ADAMTS17: variants seen among roughly 807,000 people sequenced by gnomAD.
The protein encoded by ADAMTS17 is ADAM metallopeptidase with thrombospondin type 1 motif 17.
ADAMTS17 carries 113 observed loss-of-function variants against 141.5 expected under a neutral mutation model. The observed-to-expected ratio is 0.80, with a 90% CI of 0.69 to 0.93. ADAMTS17 has a LOEUF of 0.93. ADAMTS17 is among the 40% of genes least tolerant of loss of function. The pLI is 0.00. For missense variants in ADAMTS17, 1,659 were observed against 1,517.9 expected (o/e 1.09, Z -1.54); for synonymous variants, 768 against 630.6 (o/e 1.22, Z -3.27).
chr15:100,303,877 C>T (rs1241936212), intron 3 of ADAMTS17, among the ~76,000 whole-genome samples: 1 of 152,118 alleles, frequency 6.6e-6, no homozygotes, highest in Non-Finnish European at 1.5e-5. Context: ...TGCATGCCGC[C>T]ACGCCCGGCT....
At chr15:100,097,127 T>A in intron 14 of ADAMTS17, among the ~76,000 whole-genome samples, 1 of 152,222 alleles carries the variant, frequency 6.6e-6, no homozygotes. Flanking sequence ...AAGCACAGCC[T>A]GTTTTCTAAA....
intron 3 of ADAMTS17, among the ~76,000 whole-genome samples, chr15:100,289,011 A>G (rs897473163): frequency 6.6e-6 from 1 of 152,152 alleles, no homozygotes; most frequent in Non-Finnish European, 1.5e-5. Context: ...TCACAGCTGA[A>G]CTGAATAAAA....
chr15:100,235,990 T>A (rs2042641312), intron 7 of ADAMTS17, among the ~76,000 whole-genome samples: 2 of 152,134 alleles, frequency 1.3e-5, no homozygotes, highest in Non-Finnish European at 2.9e-5. Context: ...ATGGAAAATC[T>A]GATGAGGTGG....
chr15:100,231,202 G>A (rs933735613), intron 7 of ADAMTS17, among the ~76,000 whole-genome samples: 5 of 152,160 alleles, frequency 3.3e-5, no homozygotes, highest in East Asian at 1.9e-4. Flanking sequence ...TATGGCCTAC[G>A]TTGCTTCAAA....
At chr15:100,136,085 G>A (rs1020325404) in intron 10 of ADAMTS17, among the ~76,000 whole-genome samples, 7 of 152,096 alleles carry the variant, frequency 4.6e-5, no homozygotes, top group South Asian at 2.1e-4. Context: ...AGTATATAAC[G>A]CAAAAAATGT....
chr15:99,998,670 A>G (rs2141351518), intron 18 of ADAMTS17, among the ~76,000 whole-genome samples: 1 of 152,286 alleles, frequency 6.6e-6, no homozygotes, highest in South Asian at 2.1e-4. Flanking sequence ...CCGATGCATT[A>G]GGCATCTCTG....
rs992056571 is a variant in ADAMTS17, at chr15:100,184,746, C to G, written c.1181+14572G>C. 4.6e-5 allele frequency among the ~76,000 whole-genome samples: 7 copies of G among 152,178 alleles called. No individual in the cohort carries two copies. In the East Asian group the frequency reaches 1.4e-3, roughly 29 times the overall value. ...TGGTCTGTCACCACCTTCCCTCCGT[C>G]CATCATGCTGCTGTGGCCATCACCA... On this transcript the variant is annotated intron_variant, in intron 8 of 21. Coordinates refer to ENST00000268070, the MANE Select transcript of ADAMTS17 (RefSeq NM_139057.4).
intron 20 of ADAMTS17, among the ~76,000 whole-genome samples, chr15:99,981,544 T>C (rs113521651): frequency 7.2e-5 from 11 of 152,232 alleles, no homozygotes; most frequent in Non-Finnish European, 1.2e-4. Flanking sequence ...TTGGGGTGTT[T>C]GCTTAACTGC....
rs990559207 is a variant in ADAMTS17, at chr15:100,054,035, C to G, written c.2157G>C (p.Lys719Asn). ...ARGTALKDSG[K>N]GSINSDWKIE... The stretch of plus-strand genomic sequence containing the variant: ...TCTTCCAGTCACTGTTGATGGACCC[C>G]TTACCCGAGTCTTTGAGAGCTAGAA... The change falls in exon 16 of 22, where the codon AAG becomes AAC. Residue 719 changes from lysine to asparagine, a missense_variant. By Grantham distance (94) the Lys-to-Asn change is moderately conservative (BLOSUM62 0). Transcript: ENST00000268070. 3 of 1,614,190 alleles carry G rather than the reference C, an allele frequency of 1.9e-6. No individual in the cohort carries two copies. The highest frequency in any genetic ancestry group is 3.3e-4 in the Middle Eastern group (2 of 6,060).
chr15:100,301,152 T>C (rs920210128), intron 3 of ADAMTS17, among the ~76,000 whole-genome samples: 4 of 152,214 alleles, frequency 2.6e-5, no homozygotes, highest in African/African-American at 9.6e-5. Context: ...TTAAGTTGTG[T>C]TTAATGCTTA....
At chr15:100,283,902 T>C (rs2044364507) in intron 3 of ADAMTS17, among the ~76,000 whole-genome samples, 1 of 152,152 alleles carries the variant, frequency 6.6e-6, no homozygotes, top group Admixed American at 6.5e-5. Context: ...GGTCAGGAGT[T>C]TGAGACCACC....
chr15:100,264,364 T>C lies in ADAMTS17; in HGVS notation c.790-1929A>G, dbSNP rs11852843. Among the ~76,000 whole-genome samples the C allele has an allele frequency of 9.4e-3, 1,426 of 152,318 alleles. 10 individuals are homozygous for C. The highest frequency in any genetic ancestry group is 0.015 in the Non-Finnish European group (1,038 of 68,030). On this transcript the variant is annotated intron_variant, in intron 4 of 21. Coordinates refer to ENST00000268070, the MANE Select transcript of ADAMTS17 (RefSeq NM_139057.4). Reference sequence around the variant, plus strand: ...TTCAGCATCAGAATTGGATCTAAACTGGTAAATTTCAGTTCAAAACATGAA... The same window carrying C: ...TTCAGCATCAGAATTGGATCTAAACCGGTAAATTTCAGTTCAAAACATGAA...
At chr15:99,994,897 C>G (rs1655632649) in intron 19 of ADAMTS17, among the ~76,000 whole-genome samples, 1 of 152,250 alleles carries the variant, frequency 6.6e-6, no homozygotes, top group Non-Finnish European at 1.5e-5. Context: ...AGCTCTTTGT[C>G]TAAAGATCCC....
chr15:100,290,088 A>G (rs990919343), intron 3 of ADAMTS17, among the ~76,000 whole-genome samples: 1 of 152,132 alleles, frequency 6.6e-6, no homozygotes, highest in Non-Finnish European at 1.5e-5. Context: ...CTGCTTGCAG[A>G]CGTTATGATT....
intron 15 of ADAMTS17, among the ~76,000 whole-genome samples, chr15:100,064,277 G>A (rs562082237): frequency 2.0e-5 from 3 of 152,244 alleles, no homozygotes; most frequent in East Asian, 1.9e-4. Context: ...ATCCTCCCTC[G>A]TGACCTGCAG....
At chr15:100,052,602 T>C (rs1313257770) in intron 16 of ADAMTS17, among the ~76,000 whole-genome samples, 1 of 152,192 alleles carries the variant, frequency 6.6e-6, no homozygotes, top group Non-Finnish European at 1.5e-5. Flanking sequence ...GAAAGCAAAT[T>C]CTCATGCTAA....
chr15:100,047,153 A>G lies in ADAMTS17; in HGVS notation c.2591+1704T>C, dbSNP rs921563645. On this transcript the variant is annotated intron_variant, in intron 18 of 21. Transcript: ENST00000268070. ...AGCCCCAGTCTCCCATAGCGCTCCCAGGCTTATTAGGATGAGGAAATTCCC... is the reference window on the plus strand; with the variant it reads ...AGCCCCAGTCTCCCATAGCGCTCCCGGGCTTATTAGGATGAGGAAATTCCC... Among the ~76,000 whole-genome samples the G allele has an allele frequency of 4.2e-4, 64 of 151,760 alleles. 1 individual carries two copies. Among genetic ancestry groups the G allele is most frequent in the Admixed American group, 3.7e-3 (57 of 15,216 alleles).
At chr15:100,051,453 A>T in intron 17 of ADAMTS17, 119 bp downstream of exon 17, 1 of 1,436,646 alleles carries the variant, frequency 7.0e-7, no homozygotes, top group Non-Finnish European at 9.7e-7. Flanking sequence ...GGATATGGTT[A>T]AATTCCCATG....
chr15:100,242,339 C>A (rs181779697), intron 7 of ADAMTS17, among the ~76,000 whole-genome samples: 41 of 152,274 alleles, frequency 2.7e-4, no homozygotes, highest in Non-Finnish European at 4.1e-4. Context: ...GAGGACTGTC[C>A]GTTGTCCAAA....
Sources: gnomAD v4.1 joint callset for allele counts (sites outside exome capture counted in the v4.1 genomes callset) on GRCh38, gnomAD v4.1.1 for gene constraint, MANE v1.5 for transcripts, NCBI Gene and HGNC (gene_info 2026-07-23, HGNC 2026-07-21) for gene names.